Variants in ASAP1 observed in about 807,000 individuals in gnomAD.
ASAP1 encodes ArfGAP with SH3 domain, ankyrin repeat and PH domain 1, also known as arf-GAP with SH3 domain, ANK repeat and PH domain-containing protein 1.
In ASAP1, 43 loss-of-function variants were observed where a neutral mutation model predicts 145.2. The ratio of observed to expected loss-of-function variants is 0.30; its 90% CI spans 0.23 to 0.38. The LOEUF (loss-of-function observed/expected upper bound fraction) is 0.38, where lower values mean the gene tolerates loss of function less well. Among genes scored for constraint, ASAP1 ranks in the 10% least tolerant of loss-of-function variants. The pLI, the probability that ASAP1 is intolerant of heterozygous loss-of-function variation, is 1.00. For synonymous variants in ASAP1, 546 were observed against 515.5 expected, an observed-to-expected ratio of 1.06 and a Z score of -0.80; for missense variants, 1,018 against 1,355.3, an observed-to-expected ratio of 0.75 and a Z score of 3.91.
intron 3 of ASAP1, among the ~76,000 whole-genome samples, chr8:130,275,794 T>C (rs900634005): frequency 6.6e-6 from 1 of 152,110 alleles, no homozygotes; most frequent in Non-Finnish European, 1.5e-5. Context: ...AGAGAAAAGA[T>C]AGATTTATTT....
chr8:130,161,571 T>G (rs1374567408), intron 11 of ASAP1, among the ~76,000 whole-genome samples: 2 of 152,192 alleles, frequency 1.3e-5, no homozygotes, highest in African/African-American at 4.8e-5. Context: ...CTTGTGTAGG[T>G]AACTGGGAGC....
chr8:130,147,320 C>A (rs1292077519), intron 13 of ASAP1, among the ~76,000 whole-genome samples: 2 of 151,784 alleles, frequency 1.3e-5, no homozygotes, highest in African/African-American at 4.8e-5. Flanking sequence ...ACTAATTCTG[C>A]CCTACATTCT....
At chr8:130,262,380 G>A (rs374320003) in intron 3 of ASAP1, among the ~76,000 whole-genome samples, 2 of 105,260 alleles carry the variant, frequency 1.9e-5, no homozygotes, top group African/African-American at 7.6e-5. Flanking sequence ...GGGCAACAGT[G>A]AGACTCCATC....
At chr8:130,188,739 A>AAAAAAAAAG (rs1554842792) in intron 5 of ASAP1, among the ~76,000 whole-genome samples, 17 of 150,502 alleles carry the variant, frequency 1.1e-4, no homozygotes, top group East Asian at 5.9e-4. Context: ...AAAAAAAAAA[A>AAAAAAAAAG]AAAAAAGAAA....
intron 2 of ASAP1, among the ~76,000 whole-genome samples, chr8:130,388,167 C>T (rs1828110931): frequency 6.6e-6 from 1 of 152,168 alleles, no homozygotes; most frequent in Admixed American, 6.5e-5. Context: ...GGTCCTGAGA[C>T]AGGATAGCAC....
chr8:130,314,438 G>A (rs1823546144), intron 3 of ASAP1, among the ~76,000 whole-genome samples: 1 of 152,206 alleles, frequency 6.6e-6, no homozygotes, highest in Non-Finnish European at 1.5e-5. Context: ...TTACAGATGA[G>A]AGGGAACTGA....
chr8:130,292,813 T>C (rs530183480), intron 3 of ASAP1, among the ~76,000 whole-genome samples: 12 of 152,364 alleles, frequency 7.9e-5, no homozygotes, highest in African/African-American at 2.9e-4. Context: ...ACTCTAGGCA[T>C]GTCACATAAC....
At chr8:130,107,284 G>A (rs1249619670) in intron 24 of ASAP1, among the ~76,000 whole-genome samples, 4 of 147,396 alleles carry the variant, frequency 2.7e-5, no homozygotes, top group South Asian at 2.2e-4. Context: ...CCGGGTTCAC[G>A]CCATTCTCCT....
At chr8:130,112,044 G>A (rs1280223989) in intron 24 of ASAP1, 50 bp downstream of exon 24, 4 of 1,530,784 alleles carry the variant, frequency 2.6e-6, no homozygotes, top group Non-Finnish European at 3.6e-6. Context: ...TGAGGATGGA[G>A]TCACAAGCCC....
chr8:130,359,023 T>C (rs969205231), intron 2 of ASAP1, among the ~76,000 whole-genome samples: 2 of 152,066 alleles, frequency 1.3e-5, no homozygotes, highest in Non-Finnish European at 2.9e-5. Context: ...AAGGAAGCGC[T>C]GGGCGCAGGG....
intron 1 of ASAP1, among the ~76,000 whole-genome samples, chr8:130,420,766 C>T (rs1170613223): frequency 1.3e-5 from 2 of 151,898 alleles, no homozygotes; most frequent in African/African-American, 2.4e-5. Context: ...TAGTGGTGCA[C>T]ACCTGTAATC....
intron 2 of ASAP1, among the ~76,000 whole-genome samples, chr8:130,389,291 A>G (rs1255189406): frequency 6.6e-6 from 1 of 152,216 alleles, no homozygotes; most frequent in African/African-American, 2.4e-5. Context: ...CTGCCAGGTC[A>G]GACAGCCTGT....
intron 3 of ASAP1, among the ~76,000 whole-genome samples, chr8:130,349,924 G>A (rs1220118860): frequency 6.6e-6 from 1 of 152,138 alleles, no homozygotes; most frequent in Non-Finnish European, 1.5e-5. Flanking sequence ...AATACATGTG[G>A]GAATGGCCAA....
chr8:130,420,456 A>C (rs967398061), intron 1 of ASAP1, among the ~76,000 whole-genome samples: 3 of 152,152 alleles, frequency 2.0e-5, no homozygotes, highest in Non-Finnish European at 4.4e-5. Flanking sequence ...CATTCAAATA[A>C]ATACTTGTAA....
chr8:130,055,758 C>T (rs1175189875), intron 29 of ASAP1, among the ~76,000 whole-genome samples: 1 of 152,180 alleles, frequency 6.6e-6, no homozygotes, highest in Non-Finnish European at 1.5e-5. Context: ...ATAGAAAAAA[C>T]AAAATCGTGC....
intron 2 of ASAP1, among the ~76,000 whole-genome samples, chr8:130,374,187 A>G (rs1418739353): frequency 6.6e-6 from 1 of 152,196 alleles, no homozygotes; most frequent in East Asian, 1.9e-4. Flanking sequence ...TCATCTCTAA[A>G]ATGAGGCTAA....
At chr8:130,085,688 T>C (rs1564941654) in intron 25 of ASAP1, among the ~76,000 whole-genome samples, 2 of 149,378 alleles carry the variant, frequency 1.3e-5, no homozygotes, top group African/African-American at 5.0e-5. Flanking sequence ...TAAGCCATGA[T>C]TGTGCCACTG....
chr8:130,187,052 G>C (rs16904214), intron 7 of ASAP1, among the ~76,000 whole-genome samples, 184 bp downstream of exon 7: 15,845 of 152,124 alleles, frequency 0.1, 965 homozygotes, highest in South Asian at 0.27. Flanking sequence ...AACCACTTTA[G>C]GTCAGTGTAC....
At chr8:130,135,384 A>C (rs904100948) in intron 14 of ASAP1, among the ~76,000 whole-genome samples, 6 of 152,126 alleles carry the variant, frequency 3.9e-5, no homozygotes, top group African/African-American at 1.4e-4. Flanking sequence ...GCTACTTGGG[A>C]GGGTGAAGCA....
Sources: allele counts gnomAD v4.1 joint callset (sites outside exome capture counted in the v4.1 genomes callset), GRCh38; gene constraint gnomAD v4.1.1; transcripts MANE v1.5; gene names NCBI Gene and HGNC (gene_info 2026-07-23, HGNC 2026-07-21).